Variants in C2orf76 observed in about 807,000 individuals in gnomAD.
The protein encoded by C2orf76 is chromosome 2 open reading frame 76.
In C2orf76, 23 loss-of-function variants were observed where a neutral mutation model predicts 16.9. The observed-to-expected ratio is 1.36, with a 90% CI of 0.98 to 1.93. The LOEUF (loss-of-function observed/expected upper bound fraction) is 1.93. Among genes scored for constraint, C2orf76 ranks in the 30% most tolerant of loss-of-function variants. The pLI is 0.00. For missense variants in C2orf76, 152 were observed against 152.6 expected (o/e 1.00, Z 0.02); for synonymous variants, 48 against 52.3 (o/e 0.92, Z 0.35).
intron 1 of C2orf76, among the ~76,000 whole-genome samples, chr2:119,361,795 T>C (rs535905460): frequency 3.7e-4 from 57 of 152,306 alleles, no homozygotes; most frequent in Admixed American, 1.3e-3. Flanking sequence ...GGGACTACTA[T>C]ATTTTTTATA....
chr2:119,359,292 C>T (rs1178953946), intron 1 of C2orf76, among the ~76,000 whole-genome samples: 4 of 152,176 alleles, frequency 2.6e-5, no homozygotes, highest in African/African-American at 4.8e-5. Flanking sequence ...CCTGGCCACC[C>T]GAGTGCTCTC....
chr2:119,311,521 ACAGCATTTACTTTC>A, intron 5 of C2orf76, 87 bp downstream of exon 5: 6 of 1,491,782 alleles, frequency 4.0e-6, no homozygotes, highest in Non-Finnish European at 5.3e-6. Context: ...GGGACCAAGG[ACAGCATTTACTTTC>A]CAGTGAGTTA....
At chr2:119,321,690 G>A (rs994555453) in intron 2 of C2orf76, among the ~76,000 whole-genome samples, 1 of 152,078 alleles carries the variant, frequency 6.6e-6, no homozygotes, top group Non-Finnish European at 1.5e-5. Context: ...GTAGGGATAC[G>A]GCCAAAGCAT....
the C2orf76 span, among the ~76,000 whole-genome samples, chr2:119,281,636 A>G: frequency 4.7e-4 from 72 of 152,354 alleles, no homozygotes; most frequent in Non-Finnish European, 9.4e-4. Context: ...TGCTAAATAA[A>G]CATCCTAACA....
intron 1 of C2orf76, among the ~76,000 whole-genome samples, chr2:119,350,857 G>A (rs1307268479): frequency 2.0e-5 from 3 of 152,134 alleles, no homozygotes; most frequent in Non-Finnish European, 4.4e-5. Flanking sequence ...AAACCAGCAG[G>A]GGCAGGCTTC....
chr2:119,287,210 C>A, the C2orf76 span, among the ~76,000 whole-genome samples: 2 of 152,340 alleles, frequency 1.3e-5, no homozygotes, highest in African/African-American at 4.8e-5. Context: ...TAAATGCTGG[C>A]TGTTTTATGC....
At chr2:119,290,438 T>C in the C2orf76 span, among the ~76,000 whole-genome samples, 6 of 152,056 alleles carry the variant, frequency 3.9e-5, no homozygotes, top group Admixed American at 3.3e-4. Context: ...CATCATTAAA[T>C]AGAGTGGTAT....
At chr2:119,287,518 G>GTTT in the C2orf76 span, among the ~76,000 whole-genome samples, 1 of 148,440 alleles carries the variant, frequency 6.7e-6, no homozygotes, top group Non-Finnish European at 1.5e-5. Context: ...CTAATAACAT[G>GTTT]TTTTTTTTTT....
At chr2:119,364,351 C>A (rs186034883) in intron 1 of C2orf76, among the ~76,000 whole-genome samples, 183 of 152,332 alleles carry the variant, frequency 1.2e-3, no homozygotes, top group Middle Eastern at 6.8e-3. Flanking sequence ...TCAGGTTTCT[C>A]ATCTCCAGGT....
chr2:119,336,346 C>T (rs998695632), intron 2 of C2orf76, among the ~76,000 whole-genome samples: 5 of 152,190 alleles, frequency 3.3e-5, no homozygotes, highest in African/African-American at 9.6e-5. Flanking sequence ...GCCGAGACCA[C>T]GCCACTGCAC....
chr2:119,289,871 G>T, the C2orf76 span, among the ~76,000 whole-genome samples: 8 of 151,932 alleles, frequency 5.3e-5, no homozygotes, highest in Non-Finnish European at 7.4e-5. Flanking sequence ...AGCTAAGCCA[G>T]GAAGAGAGAC....
intron 2 of C2orf76, among the ~76,000 whole-genome samples, chr2:119,327,472 G>A (rs1008657565): frequency 3.3e-5 from 5 of 151,018 alleles, no homozygotes; most frequent in African/African-American, 4.9e-5. Context: ...CAAAGTTGGC[G>A]ATGAGCCTAG....
chr2:119,295,567 T>A, the C2orf76 span, among the ~76,000 whole-genome samples: 1 of 151,976 alleles, frequency 6.6e-6, no homozygotes, highest in Non-Finnish European at 1.5e-5. Flanking sequence ...AGTCACAGCC[T>A]TAAGAGTGCT....
At chr2:119,320,082 G>A (rs1679296297) in intron 3 of C2orf76, among the ~76,000 whole-genome samples, 1 of 152,100 alleles carries the variant, frequency 6.6e-6, no homozygotes, top group Admixed American at 6.5e-5. Context: ...TAGTCTAAAA[G>A]GTACATTATC....
intron 1 of C2orf76, among the ~76,000 whole-genome samples, chr2:119,364,035 GAGAGAGACAGAC>G (rs1373444744): frequency 6.8e-6 from 1 of 147,912 alleles, no homozygotes; most frequent in Non-Finnish European, 1.5e-5. Flanking sequence ...TAGAGAGAGA[GAGAGAGACAGAC>G]AGACAGACAG....
At chr2:119,320,182 C>T (rs1679300449) in intron 3 of C2orf76, among the ~76,000 whole-genome samples, 1 of 152,064 alleles carries the variant, frequency 6.6e-6, no homozygotes, top group African/African-American at 2.4e-5. Context: ...CACAGCTTTG[C>T]ACATAGACAT....
At chr2:119,336,263 C>T (rs1366530581) in intron 2 of C2orf76, among the ~76,000 whole-genome samples, 2 of 151,906 alleles carry the variant, frequency 1.3e-5, no homozygotes, top group African/African-American at 2.4e-5. Flanking sequence ...CATAGTGGCG[C>T]ACACCTGTAA....
chr2:119,306,263 A>G (rs897688019), intron 5 of C2orf76, among the ~76,000 whole-genome samples: 1 of 152,212 alleles, frequency 6.6e-6, no homozygotes, highest in Non-Finnish European at 1.5e-5. Context: ...ATCAAACATC[A>G]TCCCGAAAGA....
chr2:119,323,537 T>C (rs1227842848), intron 2 of C2orf76, among the ~76,000 whole-genome samples: 1 of 152,112 alleles, frequency 6.6e-6, no homozygotes, highest in Non-Finnish European at 1.5e-5. Flanking sequence ...CCTAGGAGTG[T>C]GGTCCTCACC....
Sources: gnomAD v4.1 joint callset for allele counts (sites outside exome capture counted in the v4.1 genomes callset) on GRCh38, gnomAD v4.1.1 for gene constraint, MANE v1.5 for transcripts, NCBI Gene and HGNC (gene_info 2026-07-23, HGNC 2026-07-21) for gene names.